The following CACNB2 variants were observed in gnomAD, a reference collection of about 807,000 sequenced individuals.
CACNB2 encodes calcium voltage-gated channel auxiliary subunit beta 2.
In CACNB2, 42 loss-of-function variants were observed where a neutral mutation model predicts 73.3. The ratio of observed to expected loss-of-function variants is 0.57; its 90% CI spans 0.45 to 0.74. CACNB2 has a LOEUF of 0.74. Ranked by LOEUF, CACNB2 falls within the 30% of genes least tolerant of loss-of-function variation. The pLI is 0.00. For synonymous variants in CACNB2, 348 were observed against 310.3 expected (o/e 1.12, Z -1.28); for missense variants, 940 against 853.0 (o/e 1.10, Z -1.27).
chr10:18,168,538 CTGT>C (rs925040969), intron 2 of CACNB2, among the ~76,000 whole-genome samples: 5 of 148,422 alleles, frequency 3.4e-5, no homozygotes, highest in African/African-American at 7.4e-5. Flanking sequence ...TGTTTTGTTG[CTGT>C]TGTTGTTTTA....
intron 2 of CACNB2, among the ~76,000 whole-genome samples, chr10:18,231,090 C>A (rs2036207627): frequency 6.6e-6 from 1 of 152,156 alleles, no homozygotes; most frequent in Non-Finnish European, 1.5e-5. Context: ...TAGGAATGGT[C>A]CACATGCAAA....
chr10:18,431,719 T>C (rs1288854375), intron 3 of CACNB2, among the ~76,000 whole-genome samples: 1 of 152,164 alleles, frequency 6.6e-6, no homozygotes, highest in Non-Finnish European at 1.5e-5. Context: ...TGGATAAGCA[T>C]GGATAAGCCC....
intron 6 of CACNB2, among the ~76,000 whole-genome samples, chr10:18,508,529 C>A (rs192965795): frequency 6.6e-6 from 1 of 152,268 alleles, no homozygotes; most frequent in East Asian, 1.9e-4. Flanking sequence ...GACTATGTCA[C>A]CTTGCGATAA....
chr10:18,249,223 C>T (rs566815678), intron 2 of CACNB2, among the ~76,000 whole-genome samples: 23 of 152,292 alleles, frequency 1.5e-4, no homozygotes, highest in East Asian at 1.4e-3. Flanking sequence ...TTCCTTCCTG[C>T]GACAGTGGGT....
At chr10:18,256,252 T>G (rs1271771910) in intron 2 of CACNB2, among the ~76,000 whole-genome samples, 1 of 147,570 alleles carries the variant, frequency 6.8e-6, no homozygotes, top group East Asian at 1.9e-4. Flanking sequence ...AAGCAGCTAG[T>G]TTTTGTTGAC....
At chr10:18,532,444 C>T (rs887773178) in intron 10 of CACNB2, among the ~76,000 whole-genome samples, 4 of 151,864 alleles carry the variant, frequency 2.6e-5, no homozygotes, top group African/African-American at 9.7e-5. Flanking sequence ...GAGGCTAAGG[C>T]GGGAGATCAC....
chr10:18,334,485 C>G (rs530687443), intron 2 of CACNB2, among the ~76,000 whole-genome samples: 1 of 152,324 alleles, frequency 6.6e-6, no homozygotes, highest in African/African-American at 2.4e-5. Flanking sequence ...ATTTCACATT[C>G]TGGGATCTTA....
chr10:18,224,281 A>G (rs2035902372), intron 2 of CACNB2: 1 of 151,110 alleles, frequency 6.6e-6, no homozygotes, highest in Non-Finnish European at 1.5e-5. Flanking sequence ...TATGATTAAG[A>G]CCTACCTTCC....
intron 3 of CACNB2, among the ~76,000 whole-genome samples, chr10:18,406,021 C>T (rs1049430779): frequency 2.0e-5 from 3 of 152,108 alleles, no homozygotes; most frequent in African/African-American, 2.4e-5. Flanking sequence ...AATAGAATAA[C>T]CTTCAATCTT....
At chr10:18,405,381 G>T (rs978625347) in intron 3 of CACNB2, among the ~76,000 whole-genome samples, 1 of 152,112 alleles carries the variant, frequency 6.6e-6, no homozygotes, top group African/African-American at 2.4e-5. Flanking sequence ...GATCTTTTGT[G>T]ATTGGCTACT....
chr10:18,219,693 T>C (rs1183232972), intron 2 of CACNB2, among the ~76,000 whole-genome samples: 2 of 152,106 alleles, frequency 1.3e-5, no homozygotes, highest in African/African-American at 2.4e-5. Flanking sequence ...TTTACACTTA[T>C]AATTCCCTCA....
chr10:18,261,042 C>T (rs958860680), intron 2 of CACNB2: 7 of 1,384,338 alleles, frequency 5.1e-6, no homozygotes, highest in South Asian at 1.6e-5. Context: ...TCTCAAATTA[C>T]GCCCCCCACC....
chr10:18,193,089 G>A (rs73593798), intron 2 of CACNB2, among the ~76,000 whole-genome samples: 10,923 of 152,152 alleles, frequency 0.072, 575 homozygotes, highest in African/African-American at 0.14. Context: ...TACATGTGAT[G>A]TTTTGATACA....
At chr10:18,385,144 A>T (rs111523901) in intron 2 of CACNB2, among the ~76,000 whole-genome samples, 2 of 152,146 alleles carry the variant, frequency 1.3e-5, no homozygotes, top group African/African-American at 4.8e-5. Context: ...TTAGCTGGGC[A>T]TGGTGACGGA....
chr10:18,474,984 AG>A (rs1490201171), intron 3 of CACNB2, among the ~76,000 whole-genome samples: 3 of 151,286 alleles, frequency 2.0e-5, no homozygotes, highest in Admixed American at 6.6e-5. Flanking sequence ...TACAGATCAG[AG>A]GTTCCCATGG....
intron 3 of CACNB2, among the ~76,000 whole-genome samples, chr10:18,489,510 A>C (rs541407152): frequency 4.0e-5 from 6 of 150,468 alleles, no homozygotes; most frequent in African/African-American, 1.2e-4. Flanking sequence ...CCCTGAATTC[A>C]AGCCATCCTG....
intron 2 of CACNB2, among the ~76,000 whole-genome samples, chr10:18,165,625 A>G (rs1383963201): frequency 6.6e-6 from 1 of 152,220 alleles, no homozygotes. Context: ...TTGGCCAGGT[A>G]CAGGTAGTAT....
chr10:18,226,352 G>A (rs577754789), intron 2 of CACNB2, among the ~76,000 whole-genome samples: 1 of 152,274 alleles, frequency 6.6e-6, no homozygotes, highest in South Asian at 2.1e-4. Flanking sequence ...TCTATTGACT[G>A]GCATCGGCTA....
intron 5 of CACNB2, among the ~76,000 whole-genome samples, chr10:18,503,542 G>T (rs1564626457): frequency 6.6e-6 from 1 of 152,168 alleles, no homozygotes; most frequent in African/African-American, 2.4e-5. Flanking sequence ...GTTGCAGTGA[G>T]CCGAGATCAT....
Sources: allele counts gnomAD v4.1 joint callset (sites outside exome capture counted in the v4.1 genomes callset), GRCh38; gene constraint gnomAD v4.1.1; transcripts MANE v1.5; gene names NCBI Gene and HGNC (gene_info 2026-07-23, HGNC 2026-07-21).